Variants in CTSH observed in about 807,000 individuals in gnomAD.
CTSH encodes the protein pro-cathepsin H.
CTSH carries 52 observed loss-of-function variants against 56.3 expected under a neutral mutation model. The observed-to-expected ratio is 0.92, with a 90% CI of 0.74 to 1.16. The LOEUF is 1.16. Ranked by LOEUF, CTSH falls within the 50% of genes most tolerant of loss-of-function variation. The probability of loss-of-function intolerance (pLI) is 0.00; values close to 1 mark genes in which losing one functional copy is unlikely to be tolerated. For missense variants in CTSH, 406 were observed against 424.5 expected, an observed-to-expected ratio of 0.96 and a Z score of 0.38; for synonymous variants, 174 against 155.7, an observed-to-expected ratio of 1.12 and a Z score of -0.88.
At chr15:78,927,867 A>C in intron 8 of CTSH, 86 bp from the exon 9 acceptor site, 1 of 1,098,452 alleles carries the variant, frequency 9.1e-7, no homozygotes, top group Admixed American at 1.8e-5. Context: ...TTTACTAAAC[A>C]AAACAAGATG....
chr15:78,944,658 C>T, intron 1 of CTSH: 2 of 692,972 alleles, frequency 2.9e-6, no homozygotes, highest in East Asian at 6.8e-5. Flanking sequence ...CTAGGTGGGA[C>T]CCTGGACACT....
At chr15:78,934,185 C>G (rs540153074) in intron 5 of CTSH, among the ~76,000 whole-genome samples, 1 of 152,296 alleles carries the variant, frequency 6.6e-6, no homozygotes, top group South Asian at 2.1e-4. Context: ...ACTGCAAGCC[C>G]GGGAGGCTTT....
At chr15:78,935,782 A>G (rs754991870) in intron 3 of CTSH, 32 bp from the exon 4 acceptor site, 24 of 1,518,300 alleles carry the variant, frequency 1.6e-5, no homozygotes, top group Non-Finnish European at 2.1e-5. Context: ...CCAAAACAGA[A>G]ATGGTTAGTG....
At chr15:78,930,951 C>T (rs947315056) in intron 7 of CTSH, among the ~76,000 whole-genome samples, 1 of 152,180 alleles carries the variant, frequency 6.6e-6, no homozygotes, top group Non-Finnish European at 1.5e-5. Context: ...TCAGCAAATT[C>T]CTGGCAACCT....
intron 1 of CTSH, 165 bp downstream of exon 1, chr15:78,944,726 T>C (rs371910350): frequency 1.6e-6 from 2 of 1,279,462 alleles, no homozygotes; most frequent in East Asian, 3.1e-5. Context: ...CCCCCGCCTA[T>C]AATGCAGTTT....
chr15:78,928,848 G>A (rs934573268), intron 8 of CTSH, among the ~76,000 whole-genome samples: 12 of 152,110 alleles, frequency 7.9e-5, no homozygotes, highest in Non-Finnish European at 1.5e-4. Context: ...GAGGGGGACC[G>A]GCCCAACAGG....
In CTSH at chr15:78,922,112, C is replaced by T. The variant is rs199504698; in HGVS notation, c.*18G>A. 4.0e-4 allele frequency: 615 copies of T among 1,553,688 alleles called. 2 individuals carry two copies. Among genetic ancestry groups the T allele is most frequent in the Non-Finnish European group, 1.7e-4 (190 of 1,148,990 alleles). ...GTTCCTCTCCTTCTCCGCCAGTCTG[C>T]GCTGCGGCTGCCACGGCTCACACCA... is the stretch of plus-strand genomic sequence containing the variant. On this transcript the variant is annotated 3_prime_UTR_variant, in exon 12 of 12. Coordinates refer to ENST00000220166, the MANE Select transcript of CTSH (RefSeq NM_004390.5).
intron 9 of CTSH, chr15:78,927,478 G>A (rs2054934856): frequency 1.7e-6 from 1 of 572,206 alleles, no homozygotes; most frequent in Admixed American, 3.1e-5. Context: ...AAAGAATGAA[G>A]GCATGTGTGG....
intron 7 of CTSH, among the ~76,000 whole-genome samples, chr15:78,930,057 C>A (rs1194396949): frequency 6.6e-6 from 1 of 152,238 alleles, no homozygotes; most frequent in African/African-American, 2.4e-5. Context: ...TAGCATTCCG[C>A]ACCGCCTGAC....
At chr15:78,932,571 T>G in intron 5 of CTSH, 113 bp from the exon 6 acceptor site, 2 of 742,068 alleles carry the variant, frequency 2.7e-6, no homozygotes, top group Non-Finnish European at 4.6e-6. Flanking sequence ...CCCAGGTGCC[T>G]TGGCAGTTTA....
rs183217897 is a variant in CTSH, at chr15:78,937,147, G to A, written c.229+171C>T. 1.8e-4 allele frequency: 111 copies of A among 601,490 alleles called. No individual in the cohort carries two copies. The East Asian group carries it at 2.5e-3, about 14-fold the overall frequency. 37.3% of individuals were successfully genotyped at this position (601,490 alleles called of 1,614,324 possible). On this transcript the variant is annotated intron_variant, in intron 3 of 11. Transcript: ENST00000220166. ...GGTACCGGCTTTGTCCCAAATTTAC[G>A]ATCCCACATTACACAGAGAGTAACA...
rs1480110311 is a variant in CTSH, at chr15:78,931,526, C to T, written c.493-20G>A. On this transcript the variant is annotated intron_variant, in intron 6 of 11. Coordinates refer to ENST00000220166, the MANE Select transcript of CTSH (RefSeq NM_004390.5). ...TTCCGCCTGGAAGAAGGACACAACC[C>T]AGTGACCTGCCAGCTGAGAAGCCGT... is the stretch of plus-strand genomic sequence containing the variant. The T allele has an allele frequency of 1.2e-6, 2 of 1,614,092 alleles. No individual in the cohort carries two copies. Among genetic ancestry groups the T allele is most frequent in the African/African-American group, 2.7e-5 (2 of 74,942 alleles).
Position 78,923,621 on chromosome 15 carries a change from A to G in CTSH, c.807-503T>C, listed in dbSNP as rs192789662. On this transcript the variant is annotated intron_variant, in intron 10 of 11. Coordinates refer to ENST00000220166, the MANE Select transcript of CTSH (RefSeq NM_004390.5). ...TTCTTTTGGTTCTTCTGCTTCTGTCAGGAGAATCTCCATATGGTGCTGGCC... is the reference window on the plus strand; with the variant it reads ...TTCTTTTGGTTCTTCTGCTTCTGTCGGGAGAATCTCCATATGGTGCTGGCC... Among the ~76,000 whole-genome samples, 30 of 152,172 alleles carry G rather than the reference A, an allele frequency of 2.0e-4. No homozygotes were observed. The East Asian group carries it at 5.8e-3, about 29-fold the overall frequency.
At chr15:78,925,291 C>T (rs2054878595) in intron 10 of CTSH, 43 bp downstream of exon 10, 2 of 1,298,584 alleles carry the variant, frequency 1.5e-6, no homozygotes, top group Middle Eastern at 1.8e-4. Context: ...GCCCACCAAG[C>T]CCCTCCCCAC....
chr15:78,938,738 C>T (rs2055228293), intron 2 of CTSH, among the ~76,000 whole-genome samples: 1 of 152,206 alleles, frequency 6.6e-6, no homozygotes, highest in Non-Finnish European at 1.5e-5. Context: ...AGATATCCCT[C>T]CAATATACTA....
chr15:78,931,486 G>A lies in CTSH; in HGVS notation c.513C>T (p.Asp171=). The A allele has an allele frequency of 1.9e-6, 3 of 1,614,242 alleles. No homozygotes were observed. The highest frequency in any genetic ancestry group is 2.5e-6 in the Non-Finnish European group (3 of 1,180,030). The change falls in exon 7 of 12, where the codon GAC becomes GAT. Residue 171 remains aspartate (D), a synonymous_variant. Coordinates refer to ENST00000220166, the MANE Select transcript of CTSH (RefSeq NM_004390.5). ...CGTGATTATTGAAGTCCTGGGCGCA[G>A]TCCACCAGCTGCTGTTCCGCCTGGA... ...MLSLAEQQLV[D]CAQDFNNHGC...
intron 2 of CTSH, chr15:78,937,812 T>C (rs1341358384): frequency 2.9e-5 from 37 of 1,292,542 alleles, no homozygotes; most frequent in Non-Finnish European, 3.7e-5. Flanking sequence ...GTACACAGTG[T>C]GCTTTGGTTT....
rs573902291 is a variant in CTSH, at chr15:78,936,394, C to T, written c.230-644G>A. Among the ~76,000 whole-genome samples, 15 of 151,550 alleles carry T rather than the reference C, an allele frequency of 9.9e-5. No homozygotes were observed. The East Asian group carries it at 2.8e-3, about 28-fold the overall frequency. On this transcript the variant is annotated intron_variant, in intron 3 of 11. Coordinates refer to ENST00000220166, the MANE Select transcript of CTSH (RefSeq NM_004390.5). Reference sequence around the variant, plus strand: ...ATGGGGTTTTGCCATGTTGGCCAGGCTGGTCTCGAACTCCTGACCCTGTCT... The same window carrying T: ...ATGGGGTTTTGCCATGTTGGCCAGGTTGGTCTCGAACTCCTGACCCTGTCT...
chr15:78,927,363 C>T (rs998332079), intron 9 of CTSH: 4 of 331,878 alleles, frequency 1.2e-5, no homozygotes, highest in African/African-American at 8.5e-5. Context: ...GTGACACACA[C>T]TCACCCTCCT....
Sources: allele counts gnomAD v4.1 joint callset (sites outside exome capture counted in the v4.1 genomes callset), GRCh38; gene constraint gnomAD v4.1.1; transcripts MANE v1.5; gene names NCBI Gene and HGNC (gene_info 2026-07-23, HGNC 2026-07-21).